Variants in SHISAL2B observed in about 807,000 individuals in gnomAD.
SHISAL2B encodes protein shisa-like-2B.
In SHISAL2B, 12 loss-of-function variants were observed where a neutral mutation model predicts 16.5. That is an observed-to-expected ratio of 0.73 (90% CI 0.47 to 1.18). SHISAL2B has a LOEUF of 1.18. Among genes scored for constraint, SHISAL2B ranks in the 50% most tolerant of loss-of-function variants. SHISAL2B has a pLI of 0.00. For synonymous variants in SHISAL2B, 72 were observed against 75.0 expected (o/e 0.96, Z 0.21); for missense variants, 183 against 193.6 (o/e 0.95, Z 0.33).
At chr5:64,715,573 G>A (rs1022121639) in intron 2 of SHISAL2B, among the ~76,000 whole-genome samples, 5 of 152,184 alleles carry the variant, frequency 3.3e-5, no homozygotes, top group Non-Finnish European at 5.9e-5. Flanking sequence ...CAAAGAAAAG[G>A]AAGGTAATGG....
chr5:64,697,736 C>T (rs1283816245), intron 2 of SHISAL2B, among the ~76,000 whole-genome samples: 1 of 152,026 alleles, frequency 6.6e-6, no homozygotes, highest in African/African-American at 2.4e-5. Flanking sequence ...TGCTTACTTG[C>T]TTCCATGTAA....
At chr5:64,710,631 A>G (rs1379911143) in intron 2 of SHISAL2B, among the ~76,000 whole-genome samples, 1 of 98,414 alleles carries the variant, frequency 1.0e-5, no homozygotes, top group East Asian at 2.7e-4. Flanking sequence ...CTTGGGCAGT[A>G]TGGCCATTTT....
At chr5:64,712,986 T>C (rs1176802750) in intron 2 of SHISAL2B, among the ~76,000 whole-genome samples, 1 of 152,170 alleles carries the variant, frequency 6.6e-6, no homozygotes, top group Non-Finnish European at 1.5e-5. Context: ...GTCTTGACTC[T>C]TTATGCAACT....
At chr5:64,704,657 A>G (rs1357504073) in intron 2 of SHISAL2B, among the ~76,000 whole-genome samples, 1 of 152,218 alleles carries the variant, frequency 6.6e-6, no homozygotes, top group Admixed American at 6.5e-5. Context: ...AATCTCTGCA[A>G]TGATATTACA....
chr5:64,702,039 T>G (rs9291817), intron 2 of SHISAL2B, among the ~76,000 whole-genome samples: 48,975 of 152,032 alleles, frequency 0.32, 8,246 homozygotes, highest in East Asian at 0.51. Flanking sequence ...TTTTGTGGTT[T>G]CTCCTTTTGG....
At chr5:64,691,054 G>C (rs1028328305) in intron 1 of SHISAL2B, among the ~76,000 whole-genome samples, 2 of 152,212 alleles carry the variant, frequency 1.3e-5, no homozygotes, top group African/African-American at 4.8e-5. Context: ...GGAGGAGCGC[G>C]GGCTTTGCGC....
At chr5:64,700,255 C>T (rs1741789922) in intron 2 of SHISAL2B, among the ~76,000 whole-genome samples, 1 of 152,096 alleles carries the variant, frequency 6.6e-6, no homozygotes, top group Non-Finnish European at 1.5e-5. Flanking sequence ...CAAACTTTTC[C>T]ACCAGAGAAT....
At chr5:64,712,099 C>T (rs1366954633) in intron 2 of SHISAL2B, among the ~76,000 whole-genome samples, 1 of 90,336 alleles carries the variant, frequency 1.1e-5, no homozygotes, top group Non-Finnish European at 2.2e-5. Context: ...TGTGTTTGCT[C>T]TTGCTTTTCT....
At position 64,693,514 on chromosome 5, in the gene SHISAL2B, A is replaced by G. The variant is rs1741684824; in HGVS notation, c.192-1993A>G. Among the ~76,000 whole-genome samples, 3 of 152,228 alleles carry G rather than the reference A, an allele frequency of 2.0e-5. No homozygotes were observed. The East Asian group carries it at 5.8e-4, about 29-fold the overall frequency. On this transcript the variant is annotated intron_variant, in intron 1 of 2. Transcript: ENST00000389074. ...TAAACTAACAATTTTGCTTTCAAAT[A>G]GACTAAATTACATTTTTACCTTGAA... is the stretch of plus-strand genomic sequence containing the variant.
chr5:64,695,769 C>G (rs779050943), intron 2 of SHISAL2B, 105 bp downstream of exon 2: 38 of 833,694 alleles, frequency 4.6e-5, no homozygotes, highest in Non-Finnish European at 5.9e-5. Context: ...TTTAAAAATT[C>G]AGTTCACTAT....
intron 1 of SHISAL2B, among the ~76,000 whole-genome samples, chr5:64,694,632 A>G (rs1741704775): frequency 6.6e-6 from 1 of 152,234 alleles, no homozygotes; most frequent in Non-Finnish European, 1.5e-5. Context: ...TTAATGCTAG[A>G]AGCCATTGAC....
chr5:64,690,519 G>A lies in SHISAL2B; in HGVS notation c.-105G>A, dbSNP rs921514862. 2 of 914,934 alleles carry A rather than the reference G, an allele frequency of 2.2e-6. No individual in the cohort carries two copies. Among genetic ancestry groups the A allele is most frequent in the Non-Finnish European group, 1.5e-6 (1 of 665,290 alleles). 56.7% of individuals were successfully genotyped at this position (914,934 alleles called of 1,614,324 possible). ...CAGGCAGCCAGAGCCCAGATCGGAA[G>A]AGCCGAGTCCGGGCAGAGGGGTCCG... On this transcript the variant is annotated 5_prime_UTR_variant, in exon 1 of 3. Transcript: ENST00000389074.
At chr5:64,705,699 G>A (rs906593220) in intron 2 of SHISAL2B, among the ~76,000 whole-genome samples, 2 of 152,128 alleles carry the variant, frequency 1.3e-5, no homozygotes, top group African/African-American at 4.8e-5. Context: ...TATATAATGT[G>A]AATCCAAAAT....
intron 2 of SHISAL2B, among the ~76,000 whole-genome samples, chr5:64,699,436 C>A (rs537200531): frequency 6.6e-6 from 1 of 152,174 alleles, no homozygotes; most frequent in Non-Finnish European, 1.5e-5. Flanking sequence ...ATGCATGTTC[C>A]GTTCCAATGA....
chr5:64,692,523 T>C (rs1321440580), intron 1 of SHISAL2B, among the ~76,000 whole-genome samples: 1 of 152,118 alleles, frequency 6.6e-6, no homozygotes, highest in Non-Finnish European at 1.5e-5. Flanking sequence ...GGGAGGTAAA[T>C]TTATTAGAGC....
intron 2 of SHISAL2B, among the ~76,000 whole-genome samples, chr5:64,712,201 C>T (rs1270155183): frequency 6.7e-6 from 1 of 148,608 alleles, no homozygotes; most frequent in Admixed American, 6.7e-5. Context: ...CCTCTACACA[C>T]TGCTTTGAAT....
intron 2 of SHISAL2B, among the ~76,000 whole-genome samples, chr5:64,715,155 C>A (rs890241507): frequency 7.2e-5 from 11 of 152,008 alleles, no homozygotes; most frequent in African/African-American, 2.2e-4. Flanking sequence ...CTGATTGATA[C>A]TAGAAAGCAT....
At chr5:64,714,305 G>T (rs1314600423) in intron 2 of SHISAL2B, among the ~76,000 whole-genome samples, 1 of 142,440 alleles carries the variant, frequency 7.0e-6, no homozygotes, top group Non-Finnish European at 1.5e-5. Flanking sequence ...TGCAGTGTGA[G>T]GTGTCAGTGT....
chr5:64,714,559 G>A (rs1220905477), intron 2 of SHISAL2B, among the ~76,000 whole-genome samples: 1 of 151,964 alleles, frequency 6.6e-6, no homozygotes, highest in Non-Finnish European at 1.5e-5. Context: ...GAGCTGTGGT[G>A]GGCTCCACCC....
Sources: gnomAD v4.1 joint callset for allele counts (sites outside exome capture counted in the v4.1 genomes callset) on GRCh38, gnomAD v4.1.1 for gene constraint, MANE v1.5 for transcripts, NCBI Gene and HGNC (gene_info 2026-07-23, HGNC 2026-07-21) for gene names.